Variants in SNAPC1 observed in about 807,000 individuals in gnomAD.
SNAPC1 encodes the protein snRNA-activating protein complex subunit 1.
SNAPC1 carries 42 observed loss-of-function variants against 50.1 expected under a neutral mutation model. The ratio of observed to expected loss-of-function variants is 0.84; its 90% CI spans 0.65 to 1.08. The LOEUF (loss-of-function observed/expected upper bound fraction) is 1.08. SNAPC1 is among the 50% of genes least tolerant of loss of function. The pLI, the probability that SNAPC1 is intolerant of heterozygous loss-of-function variation, is 0.00. For synonymous variants in SNAPC1, 164 were observed against 144.2 expected (o/e 1.14, Z -0.98); for missense variants, 477 against 427.3 (o/e 1.12, Z -1.02).
intron 4 of SNAPC1, among the ~76,000 whole-genome samples, chr14:61,769,647 T>A (rs780163956): frequency 2.0e-5 from 3 of 152,090 alleles, no homozygotes; most frequent in Admixed American, 6.5e-5. Context: ...TCTGCCCACC[T>A]CTGTCTCCCA....
chr14:61,766,851 A>T (rs73324981), intron 1 of SNAPC1, 25 bp from the exon 2 acceptor site: 191,532 of 1,469,196 alleles, frequency 0.13, 16,284 homozygotes, highest in South Asian at 0.31. Flanking sequence ...AATGAGTCGT[A>T]ATATATTTTC....
intron 4 of SNAPC1, among the ~76,000 whole-genome samples, chr14:61,775,509 C>T (rs1348396682): frequency 6.6e-6 from 1 of 152,244 alleles, no homozygotes; most frequent in Non-Finnish European, 1.5e-5. Context: ...CCACCTTGGC[C>T]TCCCAAAGTG....
intron 1 of SNAPC1, among the ~76,000 whole-genome samples, chr14:61,763,813 G>A (rs1451223913): frequency 6.6e-6 from 1 of 152,150 alleles, no homozygotes; most frequent in African/African-American, 2.4e-5. Context: ...ATGACTTGGG[G>A]CAAGTTACTT....
chr14:61,776,861 A>G (rs1366442507), intron 5 of SNAPC1, among the ~76,000 whole-genome samples: 1 of 152,238 alleles, frequency 6.6e-6, no homozygotes, highest in Non-Finnish European at 1.5e-5. Flanking sequence ...CAGATCTTCA[A>G]CTTAGTTTAT....
At chr14:61,771,169 A>G (rs2044988080) in intron 4 of SNAPC1, among the ~76,000 whole-genome samples, 1 of 152,236 alleles carries the variant, frequency 6.6e-6, no homozygotes, top group Non-Finnish European at 1.5e-5. Flanking sequence ...ATCTGAAGAC[A>G]TAGTATAATG....
At chr14:61,763,470 C>A (rs1459218808) in intron 1 of SNAPC1, among the ~76,000 whole-genome samples, 1 of 143,182 alleles carries the variant, frequency 7.0e-6, no homozygotes, top group Admixed American at 7.3e-5. Context: ...CACTCACTTT[C>A]TTGCTCCAGC....
chr14:61,767,542 C>T (rs2044957637), intron 3 of SNAPC1, among the ~76,000 whole-genome samples, 190 bp downstream of exon 3: 1 of 151,818 alleles, frequency 6.6e-6, no homozygotes. Context: ...CGGCTGACTG[C>T]AACCTCCGCC....
chr14:61,771,820 G>A (rs1035081243), intron 4 of SNAPC1, among the ~76,000 whole-genome samples: 2 of 152,174 alleles, frequency 1.3e-5, no homozygotes, highest in Non-Finnish European at 2.9e-5. Context: ...GGTGAGAATG[G>A]ATTTTTATAA....
chr14:61,769,648 C>G (rs766718665), intron 4 of SNAPC1, among the ~76,000 whole-genome samples: 34 of 152,210 alleles, frequency 2.2e-4, no homozygotes, highest in South Asian at 4.1e-4. Flanking sequence ...CTGCCCACCT[C>G]TGTCTCCCAA....
At chr14:61,783,294 G>A (rs1389011904) in intron 8 of SNAPC1, among the ~76,000 whole-genome samples, 1 of 151,862 alleles carries the variant, frequency 6.6e-6, no homozygotes, top group Admixed American at 6.6e-5. Context: ...GCTTCCCAAA[G>A]TGCTGAGATT....
intron 9 of SNAPC1, among the ~76,000 whole-genome samples, 164 bp downstream of exon 9, chr14:61,793,066 A>G (rs2045164197): frequency 6.6e-6 from 1 of 152,194 alleles, no homozygotes; most frequent in South Asian, 2.1e-4. Flanking sequence ...CATTAATGAC[A>G]TCTCAAAGTC....
chr14:61,793,079 G>A (rs2045164305), intron 9 of SNAPC1, among the ~76,000 whole-genome samples, 177 bp downstream of exon 9: 1 of 152,108 alleles, frequency 6.6e-6, no homozygotes, highest in African/African-American at 2.4e-5. Flanking sequence ...TCAAAGTCAG[G>A]GATAATACAA....
Position 61,762,420 on chromosome 14 carries a change from A to AGAGGCGTGCAGGCTTCG in SNAPC1, c.-32_-31insAGGCTTCGGAGGCGTGC. 2 of 1,387,532 alleles carry AGAGGCGTGCAGGCTTCG rather than the reference A, an allele frequency of 1.4e-6. No homozygotes were observed. The highest frequency in any genetic ancestry group is 2.4e-5 in the East Asian group (1 of 41,330). The allele number at this position is 1,387,532 out of a possible 1,614,324, so 86.0% of individuals were successfully genotyped here. A position where few individuals can be genotyped will look rare whatever the true frequency, so the allele number is the denominator to read the frequency against. ...GGCGACCACCGCTGGCTAGTCCGTT[A>AGAGGCGTGCAGGCTTCG]GAGGCGTGCGGGCTTCGGAGGCGTG... On this transcript the variant is annotated 5_prime_UTR_variant, in exon 1 of 10. Coordinates refer to ENST00000216294, the MANE Select transcript of SNAPC1 (RefSeq NM_003082.4).
chr14:61,793,119 A>C (rs141114039), intron 9 of SNAPC1, among the ~76,000 whole-genome samples: 1 of 152,356 alleles, frequency 6.6e-6, no homozygotes, highest in African/African-American at 2.4e-5. Flanking sequence ...CCCATTAGGT[A>C]TCCTATCAGT....
chr14:61,781,963 A>G (rs2045077780), intron 7 of SNAPC1, among the ~76,000 whole-genome samples: 1 of 152,140 alleles, frequency 6.6e-6, no homozygotes, highest in South Asian at 2.1e-4. Flanking sequence ...ATGCCTCTAC[A>G]CCTTTGTTGC....
Position 61,792,843 on chromosome 14 carries a change from T to C in SNAPC1, c.1013T>C (p.Leu338Ser). ...VQNIHKEDKP[L>S]SLSMPVITEE... ...AATATACACAAGGAAGATAAACCTT[T>C]AAGTCTGAGTATGCCTGTAATTACA... is the stretch of plus-strand genomic sequence containing the variant. The change falls in exon 9 of 10, where the codon TTA becomes TCA. Residue 338 changes from leucine (L) to serine (S), a missense_variant. By Grantham distance (145) the Leu-to-Ser change is moderately radical. Coordinates refer to ENST00000216294, the MANE Select transcript of SNAPC1 (RefSeq NM_003082.4). 6.2e-7 allele frequency: 1 copy of C among 1,600,824 alleles called. No homozygotes were observed. Among genetic ancestry groups the C allele is most frequent in the South Asian group, 1.1e-5 (1 of 89,822 alleles).
chr14:61,775,807 ATGTTAACT>A (rs1358246293), intron 4 of SNAPC1, among the ~76,000 whole-genome samples: 10 of 152,228 alleles, frequency 6.6e-5, no homozygotes, highest in African/African-American at 2.4e-4. Context: ...ATGGAATTTT[ATGTTAACT>A]GATTTGTCTT....
At chr14:61,787,782 T>C (rs2045125696) in intron 8 of SNAPC1, among the ~76,000 whole-genome samples, 1 of 152,220 alleles carries the variant, frequency 6.6e-6, no homozygotes, top group Non-Finnish European at 1.5e-5. Flanking sequence ...GACTCAAATA[T>C]AGAAGTACGG....
intron 9 of SNAPC1, among the ~76,000 whole-genome samples, chr14:61,794,568 G>C (rs1235646702): frequency 6.6e-6 from 1 of 152,052 alleles, no homozygotes; most frequent in Non-Finnish European, 1.5e-5. Context: ...ACCACGCCCG[G>C]CTAATTTTTT....
Sources: gnomAD v4.1 joint callset for allele counts (sites outside exome capture counted in the v4.1 genomes callset) on GRCh38, gnomAD v4.1.1 for gene constraint, MANE v1.5 for transcripts, NCBI Gene and HGNC (gene_info 2026-07-23, HGNC 2026-07-21) for gene names.